The following NCOA3 variants were observed in gnomAD, a reference collection of about 807,000 sequenced individuals.
NCOA3 encodes nuclear receptor coactivator 3, also known as CBP-interacting protein.
NCOA3 carries 51 observed loss-of-function variants against 158.8 expected under a neutral mutation model. The ratio of observed to expected loss-of-function variants is 0.32; its 90% confidence interval spans 0.26 to 0.41. The LOEUF is 0.41. Ranked by LOEUF, NCOA3 falls within the 10% of genes least tolerant of loss-of-function variation. NCOA3 has a pLI of 1.00. For missense variants in NCOA3, 1,510 were observed against 1,746.6 expected (o/e 0.86, Z 2.41); for synonymous variants, 537 against 592.4 (o/e 0.91, Z 1.36).
At chr20:47,541,928 G>A (rs909985130) in intron 1 of NCOA3, among the ~76,000 whole-genome samples, 5 of 149,804 alleles carry the variant, frequency 3.3e-5, no homozygotes, top group Non-Finnish European at 5.9e-5. Flanking sequence ...GTTTTTATGC[G>A]ACCTAAGTTT....
At chr20:47,625,544 T>G in intron 5 of NCOA3, 63 bp downstream of exon 5, 1 of 1,172,378 alleles carries the variant, frequency 8.5e-7, no homozygotes, top group East Asian at 2.4e-5. Flanking sequence ...TATAAAGTTA[T>G]AAAAAATCGA....
chr20:47,645,407 A>G (rs2086671527), intron 17 of NCOA3, among the ~76,000 whole-genome samples: 1 of 151,874 alleles, frequency 6.6e-6, no homozygotes, highest in Non-Finnish European at 1.5e-5. Flanking sequence ...TGTGGAATAC[A>G]TTTGCTTGTT....
At chr20:47,640,165 C>T (rs72645276) in intron 16 of NCOA3, 114 bp downstream of exon 16, 29,299 of 1,413,840 alleles carry the variant, frequency 0.021, 375 homozygotes, top group Non-Finnish European at 0.023. Context: ...AATTGAGGTA[C>T]TGGGTTGCCA....
At position 47,636,135 on chromosome 20, in the gene NCOA3, A is replaced by G. The variant is rs1290337701; in HGVS notation, c.1749A>G (p.Ser583=). The change falls in exon 12 of 23, where the codon TCA becomes TCG. Residue 583 remains serine (S), a synonymous_variant. Coordinates refer to ENST00000371998, the MANE Select transcript of NCOA3 (RefSeq NM_181659.3). The part of the protein sequence containing the change: ...FYCDQNPVES[S]MCQSNSRDHL... ...GCGACCAAAATCCAGTGGAGAGTTC[A>G]ATGTGTCAGTCAAATAGCAGAGATC... 6 of 1,614,104 alleles carry G rather than the reference A, an allele frequency of 3.7e-6. No homozygotes were observed. Among genetic ancestry groups the G allele is most frequent in the Non-Finnish European group, 5.1e-6 (6 of 1,180,046 alleles).
chr20:47,613,712 A>G (rs1050506333), intron 2 of NCOA3, among the ~76,000 whole-genome samples: 2 of 152,014 alleles, frequency 1.3e-5, no homozygotes, highest in African/African-American at 4.8e-5. Context: ...GGAGTTCAAG[A>G]CCAGCCTTTC....
At chr20:47,599,339 A>AGG (rs765211768) in intron 2 of NCOA3, among the ~76,000 whole-genome samples, 6 of 151,690 alleles carry the variant, frequency 4.0e-5, no homozygotes, top group Non-Finnish European at 8.8e-5. Flanking sequence ...GTGGTTGTCA[A>AGG]GGGCAGGGGT....
intron 2 of NCOA3, among the ~76,000 whole-genome samples, chr20:47,591,037 G>C (rs1301787179): frequency 6.6e-6 from 1 of 152,052 alleles, no homozygotes; most frequent in African/African-American, 2.4e-5. Context: ...TGAACCCCAG[G>C]GGGCAGAGGC....
At chr20:47,606,250 CG>C (rs1568720648) in intron 2 of NCOA3, among the ~76,000 whole-genome samples, 1 of 152,166 alleles carries the variant, frequency 6.6e-6, no homozygotes. Context: ...ACGTGTGGTG[CG>C]TGGACTCCCG....
At chr20:47,643,564 T>A (rs1373603233) in intron 17 of NCOA3, among the ~76,000 whole-genome samples, 1 of 152,238 alleles carries the variant, frequency 6.6e-6, no homozygotes, top group Non-Finnish European at 1.5e-5. Context: ...TGTTTTACTG[T>A]GTCCTTGTGA....
chr20:47,635,219 G>C lies in NCOA3; in HGVS notation c.1113-103G>C, dbSNP rs1030252866. On this transcript the variant is annotated intron_variant, in intron 10 of 22. Transcript: ENST00000371998. ...GCTGGGAATATAGGTGTTAGCCACT[G>C]TAGCTGGCTGGTTTTTTAAAATTTT... 8.5e-6 allele frequency: 10 copies of C among 1,179,316 alleles called. No homozygotes were observed. In the African/African-American group the frequency reaches 1.6e-4, roughly 18 times the overall value. 73.1% of individuals were successfully genotyped at this position (1,179,316 alleles called of 1,614,324 possible). A position where few individuals can be genotyped will look rare whatever the true frequency, so the allele number is the denominator to read the frequency against.
chr20:47,511,556 T>TATATATACACACACACA (rs1569310943), intron 1 of NCOA3, among the ~76,000 whole-genome samples: 2 of 30,196 alleles, frequency 6.6e-5, no homozygotes, highest in Non-Finnish European at 2.1e-4. Flanking sequence ...TATATATATA[T>TATATATACACACACACA]TTCTTTTTTT....
intron 19 of NCOA3, among the ~76,000 whole-genome samples, chr20:47,649,598 G>A (rs1484087947): frequency 1.3e-5 from 2 of 150,662 alleles, no homozygotes; most frequent in African/African-American, 4.9e-5. Flanking sequence ...GCCAGTGGTG[G>A]AGACAGTATT....
intron 1 of NCOA3, among the ~76,000 whole-genome samples, chr20:47,567,412 A>T (rs1307558810): frequency 6.7e-6 from 1 of 148,470 alleles, no homozygotes. Flanking sequence ...TTTTTTTTTT[A>T]AAGAGCTAGG....
chr20:47,621,609 A>T (rs2086241226), intron 2 of NCOA3, among the ~76,000 whole-genome samples: 1 of 150,628 alleles, frequency 6.6e-6, no homozygotes, highest in Non-Finnish European at 1.5e-5. Flanking sequence ...TATCTTCTTC[A>T]TCAATGAAAT....
chr20:47,571,399 C>T (rs1287929058), intron 1 of NCOA3, among the ~76,000 whole-genome samples: 1 of 151,228 alleles, frequency 6.6e-6, no homozygotes, highest in African/African-American at 2.4e-5. Flanking sequence ...CTCACTGCAA[C>T]CTTCACCTCC....
intron 2 of NCOA3, among the ~76,000 whole-genome samples, chr20:47,620,179 C>G (rs1160126808): frequency 6.6e-6 from 1 of 152,188 alleles, no homozygotes; most frequent in Non-Finnish European, 1.5e-5. Flanking sequence ...TTGGCGTGAT[C>G]ATAACTCACT....
intron 15 of NCOA3, 24 bp downstream of exon 15, chr20:47,639,846 C>A (rs2146327944): frequency 6.2e-7 from 1 of 1,611,892 alleles, no homozygotes; most frequent in Non-Finnish European, 8.5e-7. Flanking sequence ...CTCCCCTCTT[C>A]ATGAAAAAAG....
intron 1 of NCOA3, among the ~76,000 whole-genome samples, chr20:47,563,290 AC>A (rs1353854102): frequency 6.6e-6 from 1 of 152,210 alleles, no homozygotes; most frequent in Non-Finnish European, 1.5e-5. Flanking sequence ...TTGTCATTTT[AC>A]CACTTAAAAG....
chr20:47,511,081 ACAAT>A (rs1469959290), intron 1 of NCOA3, among the ~76,000 whole-genome samples: 12 of 152,208 alleles, frequency 7.9e-5, no homozygotes, highest in East Asian at 1.9e-4. Flanking sequence ...CCAAGTGTGC[ACAAT>A]CAATCAGGTA....
Sources: allele counts gnomAD v4.1 joint callset (sites outside exome capture counted in the v4.1 genomes callset), GRCh38; gene constraint gnomAD v4.1.1; transcripts MANE v1.5; gene names NCBI Gene and HGNC (gene_info 2026-07-23, HGNC 2026-07-21).